CCDC15: variants seen among roughly 807,000 people sequenced by gnomAD.
CCDC15 encodes the protein coiled-coil domain-containing protein 15.
Under a neutral mutation model 114.5 loss-of-function variants are expected in CCDC15, and 105 were observed. The ratio of observed to expected loss-of-function variants is 0.92; its 90% CI spans 0.78 to 1.08. The LOEUF (loss-of-function observed/expected upper bound fraction) is 1.08, where lower values mean the gene tolerates loss of function less well. Ranked by LOEUF, CCDC15 falls within the 50% of genes least tolerant of loss-of-function variation. The pLI is 0.00. For missense variants in CCDC15, 1,105 were observed against 1,093.6 expected (o/e 1.01, Z -0.15); for synonymous variants, 334 against 377.8 (o/e 0.88, Z 1.34).
intron 11 of CCDC15, among the ~76,000 whole-genome samples, chr11:125,001,935 G>A (rs1948488110): frequency 6.6e-6 from 1 of 151,956 alleles, no homozygotes; most frequent in African/African-American, 2.4e-5. Flanking sequence ...TGGAATTGGT[G>A]GAACGTATGA....
chr11:124,997,795 A>G (rs1948400694), intron 11 of CCDC15, among the ~76,000 whole-genome samples: 1 of 152,182 alleles, frequency 6.6e-6, no homozygotes, highest in Non-Finnish European at 1.5e-5. Flanking sequence ...TATAAAAATT[A>G]GACAGGCATG....
intron 11 of CCDC15, among the ~76,000 whole-genome samples, chr11:124,996,256 C>T (rs180981824): frequency 6.6e-6 from 1 of 152,302 alleles, no homozygotes; most frequent in Admixed American, 6.5e-5. Flanking sequence ...CCTGACTATT[C>T]TAAATCTTAA....
intron 6 of CCDC15, among the ~76,000 whole-genome samples, 153 bp from the exon 7 acceptor site, chr11:124,986,589 A>G (rs1001811395): frequency 6.6e-6 from 1 of 152,168 alleles, no homozygotes; most frequent in Non-Finnish European, 1.5e-5. Context: ...CTGACCTACT[A>G]AAATTATAAT....
intron 8 of CCDC15, among the ~76,000 whole-genome samples, chr11:124,991,025 A>T (rs760365374): frequency 6.6e-6 from 1 of 152,252 alleles, no homozygotes; most frequent in East Asian, 1.9e-4. Context: ...CAGAATTCTC[A>T]CTAAAACCTA....
intron 4 of CCDC15, among the ~76,000 whole-genome samples, chr11:124,971,090 G>A (rs564178360): frequency 6.6e-6 from 1 of 152,182 alleles, no homozygotes; most frequent in African/African-American, 2.4e-5. Flanking sequence ...AATAGGGCTT[G>A]TAGGCCTGGC....
At position 124,987,870 on chromosome 11, in the gene CCDC15, C is replaced by T. The variant is rs750037111; in HGVS notation, c.1644C>T (p.Pro548=). The part of the protein sequence containing the change: ...DFLSRDQHVL[P]KDWNILPKCQ... The stretch of plus-strand genomic sequence containing the variant: ...TATCTAGAGACCAGCATGTTCTCCC[C>T]AAAGACTGGAATATTCTACCCAAAT... The change falls in exon 8 of 16, where the codon CCC becomes CCT. Residue 548 remains proline (P), a synonymous_variant. Coordinates refer to ENST00000344762, the MANE Select transcript of CCDC15 (RefSeq NM_025004.3). The T allele has an allele frequency of 5.6e-6, 9 of 1,613,944 alleles. No individual in the cohort carries two copies. Among genetic ancestry groups the T allele is most frequent in the Non-Finnish European group, 6.8e-6 (8 of 1,179,886 alleles).
rs777088244 is a variant in CCDC15, at chr11:124,987,948, A to C, written c.1722A>C (p.Gln574His). 5 of 1,613,680 alleles carry C rather than the reference A, an allele frequency of 3.1e-6. No homozygotes were observed. Among genetic ancestry groups the C allele is most frequent in the Non-Finnish European group, 4.2e-6 (5 of 1,179,786 alleles). Residue 574 changes from glutamine to histidine, a missense_variant, in exon 8 of 16, where the codon CAA becomes CAC. By Grantham distance (24) the Gln-to-His change is conservative. Transcript: ENST00000344762. The part of the protein sequence containing the change: ...PRDQGVLPKD[Q>H]NILPICQDQD... Reference sequence around the variant, plus strand: ...ACCAAGGTGTTCTTCCCAAAGACCAAAATATTCTACCCATATGTCAGGACC... The same window carrying C: ...ACCAAGGTGTTCTTCCCAAAGACCACAATATTCTACCCATATGTCAGGACC...
intron 6 of CCDC15, among the ~76,000 whole-genome samples, chr11:124,979,673 C>A (rs1464081483): frequency 6.6e-6 from 1 of 152,124 alleles, no homozygotes; most frequent in Non-Finnish European, 1.5e-5. Flanking sequence ...TGGGCAGAGA[C>A]TATGGGGATT....
intron 11 of CCDC15, among the ~76,000 whole-genome samples, chr11:125,003,336 C>G (rs961640871): frequency 6.6e-6 from 1 of 151,836 alleles, no homozygotes; most frequent in African/African-American, 2.4e-5. Context: ...CATTATTTGA[C>G]CCATGTAATG....
Position 124,989,054 on chromosome 11 carries a change from G to A in CCDC15, c.1908+920G>A, listed in dbSNP as rs547015967. On this transcript the variant is annotated intron_variant, in intron 8 of 15. Coordinates refer to ENST00000344762, the MANE Select transcript of CCDC15 (RefSeq NM_025004.3). ...CAAGATGGTGGACCCTTTCCAGAGGGTATCAACTTACTTTGCCCATATCTA... is the reference window on the plus strand; with the variant it reads ...CAAGATGGTGGACCCTTTCCAGAGGATATCAACTTACTTTGCCCATATCTA... Among the ~76,000 whole-genome samples, 5 of 152,268 alleles carry A rather than the reference G, an allele frequency of 3.3e-5. No homozygotes were observed. In the South Asian group the frequency reaches 6.2e-4, roughly 19 times the overall value.
intron 13 of CCDC15, among the ~76,000 whole-genome samples, chr11:125,033,593 G>T (rs576802006): frequency 3.0e-4 from 45 of 152,206 alleles, no homozygotes; most frequent in African/African-American, 9.1e-4. Flanking sequence ...CTCCCAGCTG[G>T]AATGAGAAGG....
In CCDC15 at chr11:124,961,564, T is replaced by C. The variant is rs773515737; in HGVS notation, c.516+1561T>C. 2.4e-4 allele frequency among the ~76,000 whole-genome samples: 37 copies of C among 152,158 alleles called. 1 individual carries two copies. The highest frequency in any genetic ancestry group is 7.4e-5 in the Non-Finnish European group (5 of 68,018). On this transcript the variant is annotated intron_variant, in intron 4 of 15. Coordinates refer to ENST00000344762, the MANE Select transcript of CCDC15 (RefSeq NM_025004.3). ...AGACGGAGTCTCACTCTGTTGCCCATGCTGTAGTGCAGTGGTGCAGTCCTG... is the reference window on the plus strand; with the variant it reads ...AGACGGAGTCTCACTCTGTTGCCCACGCTGTAGTGCAGTGGTGCAGTCCTG...
intron 4 of CCDC15, among the ~76,000 whole-genome samples, chr11:124,965,470 G>A (rs1193278401): frequency 1.3e-5 from 2 of 152,156 alleles, no homozygotes; most frequent in Non-Finnish European, 2.9e-5. Context: ...TTGCATTTCT[G>A]TGGGATTGGT....
chr11:124,978,254 G>C (rs2135464822), intron 6 of CCDC15, among the ~76,000 whole-genome samples: 1 of 152,244 alleles, frequency 6.6e-6, no homozygotes, highest in East Asian at 1.9e-4. Context: ...TCTTTATCCA[G>C]TCTGCTGTTG....
intron 13 of CCDC15, 161 bp from the exon 14 acceptor site, chr11:125,038,270 A>T (rs185740578): frequency 1.8e-5 from 9 of 501,754 alleles, no homozygotes; most frequent in South Asian, 3.5e-5. Context: ...TTGGGAGGAG[A>T]TAAAGCAGCC....
chr11:125,012,131 A>G (rs967798065), intron 13 of CCDC15, among the ~76,000 whole-genome samples: 1 of 152,166 alleles, frequency 6.6e-6, no homozygotes, highest in African/African-American at 2.4e-5. Flanking sequence ...TGTATACCCT[A>G]AAAACAGCCT....
At position 124,985,190 on chromosome 11, in the gene CCDC15, C is replaced by G. The variant is rs940138750; in HGVS notation, c.754-1552C>G. Among the ~76,000 whole-genome samples, 3 of 151,952 alleles carry G rather than the reference C, an allele frequency of 2.0e-5. No individual in the cohort carries two copies. The East Asian group carries it at 5.8e-4, about 29-fold the overall frequency. Reference sequence around the variant, plus strand: ...GTAGTGGATGTATCAGTACTTCATTCTTTTTATTGCTGAATAATTTATTGT... The same window carrying G: ...GTAGTGGATGTATCAGTACTTCATTGTTTTTATTGCTGAATAATTTATTGT... On this transcript the variant is annotated intron_variant, in intron 6 of 15. Transcript: ENST00000344762.
At chr11:125,027,589 TG>T (rs1419470899) in intron 13 of CCDC15, among the ~76,000 whole-genome samples, 2 of 151,126 alleles carry the variant, frequency 1.3e-5, no homozygotes, top group African/African-American at 2.5e-5. Context: ...TGGGATTATT[TG>T]TTTTTTTTTT....
intron 13 of CCDC15, among the ~76,000 whole-genome samples, chr11:125,014,848 A>G (rs1948617849): frequency 6.6e-6 from 1 of 152,216 alleles, no homozygotes; most frequent in Non-Finnish European, 1.5e-5. Flanking sequence ...AGAAAAGTGG[A>G]AACATTTATA....
Sources: allele counts gnomAD v4.1 joint callset (sites outside exome capture counted in the v4.1 genomes callset), GRCh38; gene constraint gnomAD v4.1.1; transcripts MANE v1.5; gene names NCBI Gene and HGNC (gene_info 2026-07-23, HGNC 2026-07-21).